Variants in KLHDC1 observed in about 807,000 individuals in gnomAD.
The protein encoded by KLHDC1 is kelch domain-containing protein 1.
Under a neutral mutation model 68.3 loss-of-function variants are expected in KLHDC1, and 53 were observed. That is an observed-to-expected ratio of 0.78 (90% confidence interval 0.62 to 0.98). KLHDC1 has a LOEUF of 0.98. Among genes scored for constraint, KLHDC1 ranks in the 50% least tolerant of loss-of-function variants. The pLI, the probability that KLHDC1 is intolerant of heterozygous loss-of-function variation, is 0.00. For synonymous variants in KLHDC1, 148 were observed against 159.0 expected (o/e 0.93, Z 0.52); for missense variants, 470 against 492.3 (o/e 0.95, Z 0.43).
chr14:49,725,908 C>A (rs147470384), intron 6 of KLHDC1, 139 bp downstream of exon 6: 16,285 of 519,422 alleles, frequency 0.031, 375 homozygotes, highest in Admixed American at 0.062. Flanking sequence ...AGTACAGTGG[C>A]ACAATCTCAG....
Position 49,710,393 on chromosome 14 carries a change from G to T in KLHDC1, c.404+12G>T. 3.0e-6 allele frequency: 4 copies of T among 1,339,744 alleles called. No individual in the cohort carries two copies. The African/African-American group carries it at 4.3e-5, about 15-fold the overall frequency. The allele number at this position is 1,339,744 out of a possible 1,614,324, so 83.0% of individuals were successfully genotyped here. A position where few individuals can be genotyped will look rare whatever the true frequency, so the allele number is the denominator to read the frequency against. On this transcript the variant is annotated intron_variant, in intron 4 of 12. Transcript: ENST00000359332. ...GTATATAAAGACAGGTAATGCAGCAGTTGCACTTAATGCATTATGTCTACC... is the reference window on the plus strand; with the variant it reads ...GTATATAAAGACAGGTAATGCAGCATTTGCACTTAATGCATTATGTCTACC...
At chr14:49,705,872 T>C (rs1030557678) in intron 1 of KLHDC1, among the ~76,000 whole-genome samples, 1 of 152,180 alleles carries the variant, frequency 6.6e-6, no homozygotes, top group Non-Finnish European at 1.5e-5. Flanking sequence ...TGTGGGTACA[T>C]AGTAGGTGTA....
chr14:49,739,217 C>T (rs746128907), intron 10 of KLHDC1, among the ~76,000 whole-genome samples: 2 of 152,002 alleles, frequency 1.3e-5, no homozygotes, highest in Admixed American at 6.6e-5. Flanking sequence ...GAACAAAAGC[C>T]TAGAGATAGA....
intron 2 of KLHDC1, 67 bp from the exon 3 acceptor site, chr14:49,709,642 G>C (rs1388124803): frequency 3.9e-6 from 3 of 778,268 alleles, no homozygotes; most frequent in Non-Finnish European, 4.1e-6. Context: ...AGTACTCATG[G>C]AGTTTAAAGA....
At chr14:49,697,675 C>G (rs994452963) in intron 1 of KLHDC1, among the ~76,000 whole-genome samples, 2 of 152,150 alleles carry the variant, frequency 1.3e-5, no homozygotes, top group East Asian at 1.9e-4. Flanking sequence ...TTCTCAGATT[C>G]AAGTTGGTTT....
In KLHDC1 at chr14:49,693,150, G is replaced by A; in HGVS notation, c.-45G>A. The A allele has an allele frequency of 2.0e-6, 3 of 1,526,692 alleles. No homozygotes were observed. Among genetic ancestry groups the A allele is most frequent in the South Asian group, 1.2e-5 (1 of 85,078 alleles). The allele number at this position is 1,526,692 out of a possible 1,614,324, so 94.6% of individuals were successfully genotyped here. A position where few individuals can be genotyped will look rare whatever the true frequency, so the allele number is the denominator to read the frequency against. On this transcript the variant is annotated 5_prime_UTR_variant, in exon 1 of 13. Coordinates refer to ENST00000359332, the MANE Select transcript of KLHDC1 (RefSeq NM_172193.3). ...GGGCTGGAGGCGAGGCCGCCGGGCG[G>A]GCAGGGGTTGTGGCGCGGCAAGCGG... is the stretch of plus-strand genomic sequence containing the variant.
At chr14:49,747,294 T>C (rs1334917624) in intron 12 of KLHDC1, among the ~76,000 whole-genome samples, 5 of 152,204 alleles carry the variant, frequency 3.3e-5, no homozygotes, top group African/African-American at 4.8e-5. Flanking sequence ...TTCTTTCTCT[T>C]GCCAGCAATT....
intron 4 of KLHDC1, among the ~76,000 whole-genome samples, chr14:49,722,825 G>A (rs1335337174): frequency 1.3e-5 from 2 of 152,134 alleles, no homozygotes; most frequent in African/African-American, 4.8e-5. Context: ...AGTGGCTCAC[G>A]CCTGTAATCC....
At chr14:49,724,742 T>A (rs1888621632) in intron 5 of KLHDC1, among the ~76,000 whole-genome samples, 1 of 152,094 alleles carries the variant, frequency 6.6e-6, no homozygotes. Flanking sequence ...TTTTTATTCA[T>A]CAGTGAAATA....
chr14:49,723,571 G>T (rs1416083384), intron 4 of KLHDC1, among the ~76,000 whole-genome samples: 1 of 152,092 alleles, frequency 6.6e-6, no homozygotes, highest in Non-Finnish European at 1.5e-5. Flanking sequence ...AATTTGCCAT[G>T]CCAATATAAA....
rs772340102 is a variant in KLHDC1, at chr14:49,732,722, A to C, written c.729A>C (p.Glu243Asp). Reference protein sequence around the residue: ...TWSGRITINGESPKHRSWHTL... With the variant: ...TWSGRITINGDSPKHRSWHTL... ...GCCACAGGATTACTATTAATGGAGA[A>C]AGCCCAAAACATCGGTCATGGCATA... The change falls in exon 9 of 13, where the codon GAA (glutamate) becomes GAC (aspartate). Residue 243 changes from glutamate to aspartate, a missense_variant. Coordinates refer to ENST00000359332, the MANE Select transcript of KLHDC1 (RefSeq NM_172193.3). 1.1e-5 allele frequency: 17 copies of C among 1,596,698 alleles called. No individual in the cohort carries two copies. In the South Asian group the frequency reaches 1.8e-4, roughly 17 times the overall value.
intron 5 of KLHDC1, among the ~76,000 whole-genome samples, chr14:49,724,730 T>C (rs1028464053): frequency 6.6e-6 from 1 of 152,158 alleles, no homozygotes; most frequent in African/African-American, 2.4e-5. Context: ...TATATCTAGT[T>C]ATTTTTATTC....
intron 11 of KLHDC1, among the ~76,000 whole-genome samples, chr14:49,742,636 G>T (rs377649503): frequency 7.3e-6 from 1 of 137,048 alleles, no homozygotes; most frequent in East Asian, 2.2e-4. Context: ...TCGCACCACC[G>T]CACTCTAGCC....
chr14:49,749,547 A>G (rs1014380585), intron 12 of KLHDC1, among the ~76,000 whole-genome samples: 1 of 151,820 alleles, frequency 6.6e-6, no homozygotes, highest in Non-Finnish European at 1.5e-5. Flanking sequence ...GCATGGTGGC[A>G]TGCGCCTGTA....
At chr14:49,732,241 T>C (rs554003152) in intron 8 of KLHDC1, among the ~76,000 whole-genome samples, 1 of 151,926 alleles carries the variant, frequency 6.6e-6, no homozygotes, top group African/African-American at 2.4e-5. Flanking sequence ...GGTGCAATCT[T>C]GGCTCACTGC....
intron 4 of KLHDC1, among the ~76,000 whole-genome samples, chr14:49,713,470 A>G (rs1000622847): frequency 4.2e-4 from 64 of 152,170 alleles, no homozygotes; most frequent in African/African-American, 1.4e-3. Flanking sequence ...TACTGTTTGT[A>G]TAGGAAAATC....
intron 12 of KLHDC1, among the ~76,000 whole-genome samples, chr14:49,749,813 CTT>C (rs1352908911): frequency 6.6e-6 from 1 of 152,078 alleles, no homozygotes; most frequent in Non-Finnish European, 1.5e-5. Context: ...AATCCCAACA[CTT>C]TGTGAGGCCA....
At chr14:49,739,225 A>G (rs1302836663) in intron 10 of KLHDC1, among the ~76,000 whole-genome samples, 1 of 152,218 alleles carries the variant, frequency 6.6e-6, no homozygotes, top group Admixed American at 6.5e-5. Context: ...GCCTAGAGAT[A>G]GATGATAAGC....
chr14:49,734,312 ATG>A (rs1416352274), intron 9 of KLHDC1, among the ~76,000 whole-genome samples: 4 of 152,182 alleles, frequency 2.6e-5, no homozygotes, highest in African/African-American at 9.6e-5. Flanking sequence ...GGAGAAAATG[ATG>A]TGAGATCTAG....
Sources: allele counts gnomAD v4.1 joint callset (sites outside exome capture counted in the v4.1 genomes callset), GRCh38; gene constraint gnomAD v4.1.1; transcripts MANE v1.5; gene names NCBI Gene and HGNC (gene_info 2026-07-23, HGNC 2026-07-21).